Variants in DOCK4 observed in about 807,000 individuals in gnomAD.
DOCK4 encodes dedicator of cytokinesis 4.
In DOCK4, 97 loss-of-function variants were observed where a neutral mutation model predicts 268.1. The ratio of observed to expected loss-of-function variants is 0.36; its 90% CI spans 0.31 to 0.43. DOCK4 has a LOEUF of 0.43. Ranked by LOEUF, DOCK4 falls within the 20% of genes least tolerant of loss-of-function variation. The pLI is 1.00. For synonymous variants in DOCK4, 954 were observed against 887.2 expected (o/e 1.08, Z -1.34); for missense variants, 2,145 against 2,455.7 (o/e 0.87, Z 2.67).
chr7:111,750,157 G>A (rs975944874), intron 42 of DOCK4, among the ~76,000 whole-genome samples: 2 of 152,290 alleles, frequency 1.3e-5, no homozygotes, highest in South Asian at 2.1e-4. Flanking sequence ...AGACCACCTC[G>A]TCTTACCAGG....
Position 111,915,782 on chromosome 7 carries a change from G to T in DOCK4, c.1189C>A (p.Pro397Thr). ...CGGTACGTCCCAAGTCACCTACCAG[G>T]CATAATAATATTTGAAAATCCCAGC... ...RKLGFSNIIM[P>T]GEMRNDLYIT... Residue 397 changes from proline (P) to threonine (T), a missense_variant, in exon 13 of 53, where the codon CCT becomes ACT. This residue lies in a region of DOCK4 where 1,598 missense variants were observed against 1,986.7 expected (regional missense o/e 0.80). Transcript: ENST00000428084. 6.2e-7 allele frequency: 1 copy of T among 1,612,842 alleles called. No homozygotes were observed. Among genetic ancestry groups the T allele is most frequent in the East Asian group, 2.2e-5 (1 of 44,826 alleles).
At chr7:111,900,272 A>G in intron 15 of DOCK4, 102 bp downstream of exon 15, 1 of 1,347,804 alleles carries the variant, frequency 7.4e-7, no homozygotes, top group Non-Finnish European at 1.0e-6. Context: ...TGATTTTTAC[A>G]AAAGTAATCA....
intron 1 of DOCK4, among the ~76,000 whole-genome samples, chr7:112,017,511 A>C (rs1250483164): frequency 6.6e-6 from 1 of 152,236 alleles, no homozygotes; most frequent in African/African-American, 2.4e-5. Context: ...ATGTGGAGAC[A>C]CAATGAACAT....
chr7:111,826,733 G>A (rs1802424035), intron 26 of DOCK4, among the ~76,000 whole-genome samples: 1 of 152,034 alleles, frequency 6.6e-6, no homozygotes, highest in East Asian at 1.9e-4. Context: ...ACAAAAGAAG[G>A]GAGGGAGGGA....
chr7:112,053,360 T>G (rs1156518478), intron 1 of DOCK4, among the ~76,000 whole-genome samples: 2 of 152,316 alleles, frequency 1.3e-5, no homozygotes, highest in East Asian at 3.9e-4. Flanking sequence ...AAAACAGTCT[T>G]GCCTGTCTCA....
At chr7:111,853,678 T>G (rs994728668) in intron 23 of DOCK4, among the ~76,000 whole-genome samples, 3 of 152,032 alleles carry the variant, frequency 2.0e-5, no homozygotes, top group African/African-American at 7.3e-5. Flanking sequence ...AGCTCCCAGA[T>G]CCCACCCACT....
chr7:112,131,072 C>G (rs949495907), intron 1 of DOCK4, among the ~76,000 whole-genome samples: 2 of 152,168 alleles, frequency 1.3e-5, no homozygotes, highest in African/African-American at 4.8e-5. Flanking sequence ...AAATGGCCGG[C>G]CGTATGCCAT....
intron 52 of DOCK4, among the ~76,000 whole-genome samples, chr7:111,729,177 C>T (rs1475326607): frequency 6.6e-6 from 1 of 152,202 alleles, no homozygotes; most frequent in Admixed American, 6.5e-5. Flanking sequence ...CTTTGTAGCA[C>T]TGAAAATGCA....
intron 46 of DOCK4, 87 bp from the exon 47 acceptor site, chr7:111,741,301 GA>G (rs1585842100): frequency 6.5e-7 from 1 of 1,534,326 alleles, no homozygotes; most frequent in Admixed American, 2.0e-5. Flanking sequence ...CCAAAGGGGG[GA>G]AAATACATTC....
chr7:111,878,216 A>C (rs1248871233), intron 16 of DOCK4, among the ~76,000 whole-genome samples: 2 of 152,216 alleles, frequency 1.3e-5, no homozygotes, highest in African/African-American at 4.8e-5. Flanking sequence ...CACTTAAGAA[A>C]TAGATAGCCA....
intron 1 of DOCK4, among the ~76,000 whole-genome samples, chr7:112,136,468 C>T (rs1814358798): frequency 6.6e-6 from 1 of 152,166 alleles, no homozygotes; most frequent in Non-Finnish European, 1.5e-5. Flanking sequence ...TACAAAATGC[C>T]ATAATTCACT....
chr7:112,025,492 C>G (rs917680515), intron 1 of DOCK4, among the ~76,000 whole-genome samples: 1 of 152,124 alleles, frequency 6.6e-6, no homozygotes, highest in African/African-American at 2.4e-5. Context: ...AGAGGATAGC[C>G]AACTCTATCA....
chr7:112,203,662 A>T (rs889749771), intron 1 of DOCK4, among the ~76,000 whole-genome samples: 1 of 152,210 alleles, frequency 6.6e-6, no homozygotes, highest in Non-Finnish European at 1.5e-5. Context: ...ATCTGTGCCC[A>T]TAAGATCTTT....
At chr7:111,976,371 A>G (rs1778022399) in intron 8 of DOCK4, among the ~76,000 whole-genome samples, 1 of 134,432 alleles carries the variant, frequency 7.4e-6, no homozygotes, top group Admixed American at 7.9e-5. Context: ...TATTTTTTTA[A>G]AGCATGGTAC....
intron 32 of DOCK4, chr7:111,784,542 T>C (rs986828852): frequency 2.2e-6 from 1 of 446,974 alleles, no homozygotes; most frequent in Non-Finnish European, 4.5e-6. Context: ...ACTCAACAGT[T>C]TCATTCATTT....
chr7:111,830,854 T>C (rs993565573), intron 26 of DOCK4, among the ~76,000 whole-genome samples: 1 of 151,996 alleles, frequency 6.6e-6, no homozygotes, highest in Non-Finnish European at 1.5e-5. Flanking sequence ...ATCAGTGAAA[T>C]TGCCCATCAG....
At chr7:112,134,139 T>C (rs887448377) in intron 1 of DOCK4, among the ~76,000 whole-genome samples, 4 of 152,202 alleles carry the variant, frequency 2.6e-5, no homozygotes, top group Admixed American at 2.0e-4. Context: ...ATCGTTTCAA[T>C]TGTAATTAGA....
chr7:111,903,120 T>C (rs1301050060), intron 13 of DOCK4, among the ~76,000 whole-genome samples: 2 of 152,204 alleles, frequency 1.3e-5, no homozygotes, highest in African/African-American at 4.8e-5. Flanking sequence ...TTCGTCAAAG[T>C]GTGCACAAGG....
chr7:112,009,206 A>G (rs1175288533), intron 1 of DOCK4, among the ~76,000 whole-genome samples: 5 of 152,346 alleles, frequency 3.3e-5, no homozygotes, highest in South Asian at 2.1e-4. Flanking sequence ...AATCATTAAA[A>G]TGCTTTGTCT....
Sources: allele counts gnomAD v4.1 joint callset (sites outside exome capture counted in the v4.1 genomes callset), GRCh38; gene constraint gnomAD v4.1.1; regional missense constraint gnomAD v4.1.1; transcripts MANE v1.5; gene names NCBI Gene and HGNC (gene_info 2026-07-23, HGNC 2026-07-21).